Variants in COL15A1 observed in about 807,000 individuals in gnomAD.
COL15A1 encodes the protein collagen type XV alpha 1 chain.
A neutral mutation model predicts 165.9 loss-of-function variants in COL15A1; 111 were observed. The observed-to-expected ratio is 0.67, with a 90% CI of 0.57 to 0.78. COL15A1 has a LOEUF of 0.78. Among genes scored for constraint, COL15A1 ranks in the 30% least tolerant of loss-of-function variants. COL15A1 has a pLI of 0.00. For synonymous variants in COL15A1, 659 were observed against 674.8 expected (o/e 0.98, Z 0.36); for missense variants, 1,745 against 1,789.7 (o/e 0.98, Z 0.45).
chr9:99,059,748 C>T, intron 35 of COL15A1, 141 bp from the exon 36 acceptor site: 1 of 844,898 alleles, frequency 1.2e-6, no homozygotes, highest in Non-Finnish European at 1.9e-6. Context: ...GGGCACAGCA[C>T]CCAAGATACA....
In COL15A1 at chr9:99,062,272, G is replaced by A. The variant is rs186296440; in HGVS notation, c.3559G>A (p.Asp1187Asn). The A allele has an allele frequency of 4.5e-5, 72 of 1,613,560 alleles. No homozygotes were observed. In the Admixed American group the frequency reaches 5.3e-4, roughly 12 times the overall value. Residue 1187 changes from aspartate to asparagine, a missense_variant, in exon 38 of 42, where the codon GAC becomes AAC. Coordinates refer to ENST00000375001, the MANE Select transcript of COL15A1 (RefSeq NM_001855.5). ...GGGAGAACTGATCCCCATTCCTGCC[G>A]ACAGCCCTCCACCCCCTGCGCTTTC... ...QLGELIPIPA[D>N]SPPPPALSSN...
chr9:98,962,032 C>T (rs1010341543), intron 2 of COL15A1, among the ~76,000 whole-genome samples: 4 of 152,208 alleles, frequency 2.6e-5, no homozygotes, highest in African/African-American at 9.7e-5. Flanking sequence ...TTGCTGTCTG[C>T]GGTTAGACTC....
intron 9 of COL15A1, among the ~76,000 whole-genome samples, chr9:99,013,515 C>G (rs914262023): frequency 6.7e-6 from 1 of 149,744 alleles, no homozygotes; most frequent in Non-Finnish European, 1.5e-5. Context: ...TACCTCTGAA[C>G]TAGAATTAGG....
intron 28 of COL15A1, among the ~76,000 whole-genome samples, chr9:99,048,687 C>T (rs1037942385): frequency 1.9e-5 from 2 of 107,288 alleles, no homozygotes; most frequent in Non-Finnish European, 3.6e-5. Flanking sequence ...TGCTATCCCT[C>T]CCCCCTCCCC....
intron 39 of COL15A1, among the ~76,000 whole-genome samples, chr9:99,066,563 G>GAAGTTCTT (rs1258168355): frequency 7.1e-6 from 1 of 141,748 alleles, no homozygotes; most frequent in Non-Finnish European, 1.5e-5. Context: ...TCAGATCCCT[G>GAAGTTCTT]AAGTTCTTTA....
intron 2 of COL15A1, among the ~76,000 whole-genome samples, chr9:98,959,227 CAAAAAA>C (rs60892848): frequency 6.8e-5 from 5 of 73,232 alleles, no homozygotes; most frequent in South Asian, 1.1e-3. Context: ...CCTGTCTCTA[CAAAAAA>C]AAAAAAAAAA....
intron 9 of COL15A1, among the ~76,000 whole-genome samples, chr9:99,006,298 C>T (rs528568960): frequency 1.2e-4 from 18 of 152,354 alleles, no homozygotes; most frequent in African/African-American, 4.3e-4. Context: ...TCTGCTAGAA[C>T]AGAGATTACT....
chr9:99,022,892 C>T (rs1839051997), intron 13 of COL15A1, among the ~76,000 whole-genome samples: 1 of 152,180 alleles, frequency 6.6e-6, no homozygotes, highest in South Asian at 2.1e-4. Context: ...GGACTCTGGG[C>T]ACCCAGTGTG....
intron 9 of COL15A1, among the ~76,000 whole-genome samples, chr9:99,005,836 C>G (rs1020135544): frequency 1.3e-5 from 2 of 152,202 alleles, no homozygotes; most frequent in Non-Finnish European, 2.9e-5. Flanking sequence ...CATCCTCTCA[C>G]AGCTTGTCTC....
chr9:99,048,096 GA>G (rs997268666), intron 28 of COL15A1, 96 bp downstream of exon 28: 47 of 762,136 alleles, frequency 6.2e-5, no homozygotes, highest in Admixed American at 4.6e-4. Context: ...GAATGTTCAG[GA>G]ATGTTGTTCT....
At chr9:98,985,305 G>C (rs1022852481) in intron 2 of COL15A1, among the ~76,000 whole-genome samples, 1 of 152,196 alleles carries the variant, frequency 6.6e-6, no homozygotes, top group Admixed American at 6.5e-5. Context: ...TGAGTGCCTG[G>C]TGAGTATTAA....
At chr9:99,015,347 C>G in intron 9 of COL15A1, 70 bp from the exon 10 acceptor site, 2 of 1,057,408 alleles carry the variant, frequency 1.9e-6, no homozygotes, top group South Asian at 1.3e-5. Context: ...TTTCCACCCC[C>G]CAGCCTCACA....
rs150884794 is a variant in COL15A1, at chr9:98,952,726, G to T, written c.100+8476G>T. On this transcript the variant is annotated intron_variant, in intron 2 of 41. Coordinates refer to ENST00000375001, the MANE Select transcript of COL15A1 (RefSeq NM_001855.5). ...TCTAAAGCCAGTTCTTTTCCAAAGT[G>T]GTCCCCAGGTTTCCCCCAAGTACTA... is the stretch of plus-strand genomic sequence containing the variant. Among the ~76,000 whole-genome samples the T allele has an allele frequency of 4.6e-5, 7 of 152,274 alleles. No individual in the cohort carries two copies. The East Asian group carries it at 1.4e-3, about 29-fold the overall frequency.
chr9:98,966,788 AATATT>A (rs1156540286), intron 2 of COL15A1, among the ~76,000 whole-genome samples: 49 of 152,202 alleles, frequency 3.2e-4, no homozygotes, highest in Middle Eastern at 3.2e-3. Context: ...TGTGGTTATT[AATATT>A]ATATTATATC....
At position 99,023,393 on chromosome 9, in the gene COL15A1, G is replaced by C; in HGVS notation, c.1798G>C (p.Gly600Arg). ...AGCAGAGGGCTCTGGCCTAGGCTGG[G>C]GCTCGGACGTCGGCTCTGGCTCTGG... ...AEAEGSGLGW[G>R]SDVGSGSGDL... Residue 600 changes from glycine (G) to arginine (R), a missense_variant, in exon 14 of 42, where the codon GGC becomes CGC. By Grantham distance (125) the Gly-to-Arg change is moderately radical. Coordinates refer to ENST00000375001, the MANE Select transcript of COL15A1 (RefSeq NM_001855.5). The C allele has an allele frequency of 6.2e-7, 1 of 1,610,750 alleles. No homozygotes were observed. The highest frequency in any genetic ancestry group is 8.5e-7 in the Non-Finnish European group (1 of 1,177,486).
At position 99,025,979 on chromosome 9, in the gene COL15A1, C is replaced by G; in HGVS notation, c.2043+13C>G. On this transcript the variant is annotated intron_variant, in intron 16 of 41. Transcript: ENST00000375001. Reference sequence around the variant, plus strand: ...GAAAGGGGAGAAGGTACGGGGAACACGGGAGGGTCCCACCACATGGGAGCC... The same window carrying G: ...GAAAGGGGAGAAGGTACGGGGAACAGGGGAGGGTCCCACCACATGGGAGCC... 6.2e-7 allele frequency: 1 copy of G among 1,603,922 alleles called. No individual in the cohort carries two copies. The highest frequency in any genetic ancestry group is 8.5e-7 in the Non-Finnish European group (1 of 1,175,266).
intron 2 of COL15A1, among the ~76,000 whole-genome samples, chr9:98,983,363 C>T (rs1838260875): frequency 6.6e-6 from 1 of 152,080 alleles, no homozygotes; most frequent in East Asian, 1.9e-4. Flanking sequence ...TAGGTGGAGC[C>T]CCACCCGCAA....
intron 5 of COL15A1, among the ~76,000 whole-genome samples, chr9:98,992,319 C>T (rs554605152): frequency 5.2e-4 from 79 of 152,334 alleles, no homozygotes; most frequent in Non-Finnish European, 9.8e-4. Context: ...CTGGGGGACC[C>T]GGCACACCCT....
chr9:98,948,776 G>A (rs1472411526), intron 2 of COL15A1, among the ~76,000 whole-genome samples: 1 of 152,206 alleles, frequency 6.6e-6, no homozygotes, highest in Non-Finnish European at 1.5e-5. Flanking sequence ...TGTCCAGGTA[G>A]GGATGGTGGT....
Sources: allele counts gnomAD v4.1 joint callset (sites outside exome capture counted in the v4.1 genomes callset), GRCh38; gene constraint gnomAD v4.1.1; transcripts MANE v1.5; gene names NCBI Gene and HGNC (gene_info 2026-07-23, HGNC 2026-07-21).